The following STK33 variants were observed in gnomAD, a reference collection of about 807,000 sequenced individuals.
STK33 encodes serine/threonine-protein kinase 33.
Under a neutral mutation model 58.0 loss-of-function variants are expected in STK33, and 52 were observed. That is an observed-to-expected ratio of 0.90 (90% confidence interval 0.72 to 1.13). The LOEUF (loss-of-function observed/expected upper bound fraction) is 1.13, where lower values mean the gene tolerates loss of function less well. STK33 is among the 50% of genes most tolerant of loss of function. STK33 has a pLI of 0.00. For synonymous variants in STK33, 215 were observed against 200.1 expected, an observed-to-expected ratio of 1.07 and a Z score of -0.63; for missense variants, 630 against 604.2, an observed-to-expected ratio of 1.04 and a Z score of -0.45.
chr11:8,392,211 C>A lies in STK33; in HGVS notation c.*299G>T. On this transcript the variant is annotated 3_prime_UTR_variant, in exon 16 of 16. Coordinates refer to ENST00000687296, the MANE Select transcript of STK33 (RefSeq NM_001352389.2). ...TGAAGTAAAAATGAGCAAGTGTGCC[C>A]ACAGCCTTAAATTGAAGGTATCTGC... 1 of 372,312 alleles carries A rather than the reference C, an allele frequency of 2.7e-6. No individual in the cohort carries two copies. 23.1% of individuals were successfully genotyped at this position (372,312 alleles called of 1,614,324 possible). A position where few individuals can be genotyped will look rare whatever the true frequency, so the allele number is the denominator to read the frequency against.
chr11:8,550,431 C>T (rs978702177), intron 1 of STK33, among the ~76,000 whole-genome samples: 1 of 152,114 alleles, frequency 6.6e-6, no homozygotes, highest in African/African-American at 2.4e-5. Context: ...AGGCATGAGC[C>T]ACCACACTCA....
At chr11:8,421,166 T>G (rs569877179) in intron 14 of STK33, among the ~76,000 whole-genome samples, 1 of 152,310 alleles carries the variant, frequency 6.6e-6, no homozygotes, top group African/African-American at 2.4e-5. Context: ...CCATCATTTC[T>G]TTTATGTTAG....
chr11:8,416,513 T>C (rs1414247859), intron 14 of STK33, among the ~76,000 whole-genome samples: 2 of 152,184 alleles, frequency 1.3e-5, no homozygotes, highest in African/African-American at 4.8e-5. Flanking sequence ...ATCATAACTT[T>C]TCACATTGAT....
chr11:8,428,210 G>A (rs568571164), intron 14 of STK33, among the ~76,000 whole-genome samples: 2 of 152,282 alleles, frequency 1.3e-5, no homozygotes, highest in East Asian at 1.9e-4. Flanking sequence ...TGCCTACAAC[G>A]AGTTAATTCC....
chr11:8,504,708 G>A (rs1017595942), intron 1 of STK33, among the ~76,000 whole-genome samples: 2 of 151,992 alleles, frequency 1.3e-5, no homozygotes, highest in African/African-American at 4.8e-5. Context: ...AGGCTCAGGA[G>A]GATCACTTGA....
At chr11:8,534,560 CTCTCTCTCTGTGTGTGTG>C (rs1446053972) in intron 1 of STK33, among the ~76,000 whole-genome samples, 5 of 120,034 alleles carry the variant, frequency 4.2e-5, no homozygotes, top group African/African-American at 1.8e-4. Context: ...CTCTCTCTCT[CTCTCTCTCTGTGTGTGTG>C]TGTGTGTGTG....
At chr11:8,558,422 C>G (rs1234191305) in intron 1 of STK33, among the ~76,000 whole-genome samples, 1 of 132,186 alleles carries the variant, frequency 7.6e-6, no homozygotes, top group African/African-American at 2.9e-5. Flanking sequence ...CACACACACA[C>G]ACACGAAACC....
At chr11:8,401,224 C>G (rs1937859043) in intron 15 of STK33, among the ~76,000 whole-genome samples, 1 of 152,158 alleles carries the variant, frequency 6.6e-6, no homozygotes, top group Middle Eastern at 3.2e-3. Flanking sequence ...AACTATACAA[C>G]AAGGCTACAG....
chr11:8,418,009 G>C (rs926531111), intron 14 of STK33, among the ~76,000 whole-genome samples: 3 of 152,028 alleles, frequency 2.0e-5, no homozygotes, highest in Non-Finnish European at 4.4e-5. Flanking sequence ...TAATAGAAAA[G>C]ATCTGAAACA....
intron 1 of STK33, among the ~76,000 whole-genome samples, chr11:8,509,565 A>G (rs1952142415): frequency 1.3e-5 from 2 of 152,158 alleles, no homozygotes; most frequent in African/African-American, 4.8e-5. Context: ...GGTTACATGA[A>G]TAAGTTCCTT....
chr11:8,409,930 T>TAAGTGGTGAAGCCAGAATCTG (rs1173952067), intron 15 of STK33, among the ~76,000 whole-genome samples: 61 of 152,038 alleles, frequency 4.0e-4, no homozygotes, highest in Non-Finnish European at 6.3e-4. Flanking sequence ...ATAAAGCTTG[T>TAAGTGGTGAAGCCAGAATCTG]AAGTGGTGAA....
At chr11:8,435,844 G>T (rs11041922) in intron 13 of STK33, among the ~76,000 whole-genome samples, 183 bp downstream of exon 13, 1 of 152,148 alleles carries the variant, frequency 6.6e-6, no homozygotes, top group Admixed American at 6.5e-5. Context: ...TGTATTTTCC[G>T]TTTTTGAAAG....
At chr11:8,361,022 G>C in the STK33 span, among the ~76,000 whole-genome samples, 2 of 152,200 alleles carry the variant, frequency 1.3e-5, no homozygotes, top group Non-Finnish European at 2.9e-5. This position sits in a 1 kb window ranked among gnomAD's most constrained non-coding sequence, Gnocchi z 4.8. Context: ...GAATCTTGGG[G>C]GGTCACCTTT....
At chr11:8,548,521 T>C (rs1956096984) in intron 1 of STK33, among the ~76,000 whole-genome samples, 3 of 152,232 alleles carry the variant, frequency 2.0e-5, no homozygotes, top group Admixed American at 2.0e-4. Flanking sequence ...CTTTGTAATA[T>C]ATTTTGAAGT....
intron 12 of STK33, among the ~76,000 whole-genome samples, chr11:8,438,242 GACAGC>G (rs1271621374): frequency 6.6e-6 from 1 of 152,062 alleles, no homozygotes; most frequent in Non-Finnish European, 1.5e-5. Context: ...AAAATTTTAT[GACAGC>G]AATTTCCTGC....
intron 6 of STK33, chr11:8,465,312 A>T (rs1948045317): frequency 6.6e-6 from 1 of 151,994 alleles, no homozygotes; most frequent in Admixed American, 6.6e-5. Flanking sequence ...TCTTATGAAA[A>T]ATCACTTTTG....
intron 1 of STK33, among the ~76,000 whole-genome samples, chr11:8,550,742 T>C (rs1327998094): frequency 6.6e-6 from 1 of 152,196 alleles, no homozygotes; most frequent in Non-Finnish European, 1.5e-5. Context: ...TGGGCTTTGT[T>C]GTCCATATCA....
chr11:8,422,589 T>C (rs1018389238), intron 14 of STK33, among the ~76,000 whole-genome samples: 3 of 152,168 alleles, frequency 2.0e-5, no homozygotes, highest in African/African-American at 7.2e-5. Context: ...TTGTAGAAGA[T>C]TTTGAACTAT....
At chr11:8,399,141 C>T (rs1268852357) in intron 15 of STK33, among the ~76,000 whole-genome samples, 1 of 152,204 alleles carries the variant, frequency 6.6e-6, no homozygotes, top group African/African-American at 2.4e-5. Context: ...CAGAACTTTC[C>T]ACCCCAAATC....
Sources: gnomAD v4.1 joint callset for allele counts (sites outside exome capture counted in the v4.1 genomes callset) on GRCh38, gnomAD v4.1.1 for gene constraint, Gnocchi (gnomAD v3.1) non-coding constraint, MANE v1.5 for transcripts, NCBI Gene and HGNC (gene_info 2026-07-23, HGNC 2026-07-21) for gene names.